The following SPNS2 variants were observed in gnomAD, a reference collection of about 807,000 sequenced individuals.
The protein encoded by SPNS2 is sphingosine-1-phosphate transporter SPNS2.
A neutral mutation model predicts 57.6 loss-of-function variants in SPNS2; 37 were observed. The ratio of observed to expected loss-of-function variants is 0.64; its 90% confidence interval spans 0.49 to 0.85. The LOEUF (loss-of-function observed/expected upper bound fraction) is 0.85, where lower values mean the gene tolerates loss of function less well. SPNS2 is among the 40% of genes least tolerant of loss of function. The pLI is 0.00. For missense variants in SPNS2, 831 were observed against 779.1 expected (o/e 1.07, Z -0.79); for synonymous variants, 440 against 346.9 (o/e 1.27, Z -2.98).
Position 4,532,551 on chromosome 17 carries a change from G to C in SPNS2, c.802G>C (p.Val268Leu), listed in dbSNP as rs771002180. The change falls in exon 6 of 13, where the codon GTC (valine) becomes CTC (leucine). Residue 268 changes from valine to leucine, a missense_variant. Around this residue, in one of 2 missense-constraint regions of SPNS2, gnomAD observed 526 missense variants for 400.9 expected, o/e 1.31. Transcript: ENST00000329078. ...TCCTGCTCTCTGGCAGGTGTCCCCT[G>C]TCCTGGGCATGATCACAGGAACACT... ...DWHWALRVSP[V>L]LGMITGTLIL... 9 of 1,614,030 alleles carry C rather than the reference G, an allele frequency of 5.6e-6. No homozygotes were observed. In the African/African-American group the frequency reaches 1.1e-4, roughly 19 times the overall value.
intron 2 of SPNS2, among the ~76,000 whole-genome samples, chr17:4,520,450 C>G (rs376124121): frequency 6.6e-6 from 1 of 152,088 alleles, no homozygotes; most frequent in South Asian, 2.1e-4. Context: ...GTCACCCCCC[C>G]GGGAGGGGGC....
At chr17:4,501,141 A>G (rs1260320060) in intron 1 of SPNS2, among the ~76,000 whole-genome samples, 2 of 152,204 alleles carry the variant, frequency 1.3e-5, no homozygotes, top group Non-Finnish European at 2.9e-5. Flanking sequence ...AGTGACTGGC[A>G]AAGCTGGTGT....
Position 4,533,109 on chromosome 17 carries a change from G to T in SPNS2, c.1068G>T (p.Pro356=), listed in dbSNP as rs766373635. ...VQKTAETCNS[P]PCGAKDSLIF... ...AGACAGCAGAGACGTGCAACAGCCC[G>T]CCCTGTGGGGCCAAGGACAGGTGGG... The change falls in exon 7 of 13, where the codon CCG becomes CCT. Residue 356 remains proline (P), a synonymous_variant. Transcript: ENST00000329078. 2.5e-6 allele frequency: 4 copies of T among 1,611,146 alleles called. No individual in the cohort carries two copies. Among genetic ancestry groups the T allele is most frequent in the Non-Finnish European group, 2.5e-6 (3 of 1,178,864 alleles).
chr17:4,518,472 G>A (rs1188707294), intron 2 of SPNS2, among the ~76,000 whole-genome samples: 4 of 152,348 alleles, frequency 2.6e-5, no homozygotes, highest in South Asian at 2.1e-4. Flanking sequence ...GCAGTGAGCC[G>A]AGATCGCGCC....
chr17:4,518,386 T>TG (rs1905050484), intron 2 of SPNS2, among the ~76,000 whole-genome samples: 1 of 151,952 alleles, frequency 6.6e-6, no homozygotes, highest in African/African-American at 2.4e-5. Context: ...TAGCCGGGTG[T>TG]GGTGGCGGGT....
At chr17:4,513,809 G>T (rs1244357375) in intron 2 of SPNS2, among the ~76,000 whole-genome samples, 1 of 152,238 alleles carries the variant, frequency 6.6e-6, no homozygotes, top group African/African-American at 2.4e-5. Context: ...CCCCAGAGCG[G>T]TTCCCAAGCC....
At chr17:4,518,074 C>T (rs1303080050) in intron 2 of SPNS2, among the ~76,000 whole-genome samples, 1 of 152,140 alleles carries the variant, frequency 6.6e-6, no homozygotes, top group Non-Finnish European at 1.5e-5. Flanking sequence ...GGCCCATTGG[C>T]CATGGGTTGG....
intron 2 of SPNS2, among the ~76,000 whole-genome samples, chr17:4,514,904 C>T (rs1037732511): frequency 6.6e-6 from 1 of 152,220 alleles, no homozygotes; most frequent in African/African-American, 2.4e-5. Flanking sequence ...CCCTGTGTGG[C>T]CCCTGACTCA....
At position 4,530,833 on chromosome 17, in the gene SPNS2, C is replaced by A. The variant is rs570599978; in HGVS notation, c.725+50C>A. ...TGGGTGAGGATCTGGGCAAGGTTCC[C>A]TTGGACTTCTGAGTTCTCCCACTCC... is the stretch of plus-strand genomic sequence containing the variant. On this transcript the variant is annotated intron_variant, in intron 4 of 12. Transcript: ENST00000329078. 2.8e-5 allele frequency: 44 copies of A among 1,585,254 alleles called. No homozygotes were observed. The East Asian group carries it at 4.5e-4, about 16-fold the overall frequency.
chr17:4,522,928 G>A (rs1330368425), intron 2 of SPNS2, among the ~76,000 whole-genome samples: 2 of 152,164 alleles, frequency 1.3e-5, no homozygotes, highest in African/African-American at 2.4e-5. Flanking sequence ...GCCTTTGTTC[G>A]ACATCCCCTC....
rs1597370277 is a variant in SPNS2, at chr17:4,533,810, CGCT to C, written c.1306_1308del (p.Leu436del). 6.2e-7 allele frequency: 1 copy of C among 1,613,690 alleles called. No individual in the cohort carries two copies. Among genetic ancestry groups the C allele is most frequent in the Non-Finnish European group, 8.5e-7 (1 of 1,180,010 alleles). Reference sequence around the variant, plus strand: ...CAGATCTGTATCTTCGTCGGGGAGACGCTGCTGTTTTCTAACTGGGCCATCACT... The same window carrying C: ...CAGATCTGTATCTTCGTCGGGGAGACGCTGTTTTCTAACTGGGCCATCACT... On this transcript the variant is annotated inframe_deletion, in exon 9 of 13. Coordinates refer to ENST00000329078, the MANE Select transcript of SPNS2 (RefSeq NM_001124758.3).
intron 5 of SPNS2, among the ~76,000 whole-genome samples, 186 bp downstream of exon 5, chr17:4,531,305 T>C (rs141885212): frequency 3.9e-5 from 6 of 152,352 alleles, no homozygotes; most frequent in East Asian, 3.9e-4. Flanking sequence ...GATGTCCCGA[T>C]TGAGGTGTCA....
rs985327054 is a variant in SPNS2 at position 4,512,003 on chromosome 17, C to T, written c.371-1244C>T. 2.0e-5 allele frequency among the ~76,000 whole-genome samples: 3 copies of T among 152,192 alleles called. No homozygotes were observed. Among genetic ancestry groups the T allele is most frequent in the Non-Finnish European group, 4.4e-5 (3 of 68,038 alleles). On this transcript the variant is annotated intron_variant, in intron 1 of 12. Coordinates refer to ENST00000329078, the MANE Select transcript of SPNS2 (RefSeq NM_001124758.3). The surrounding 1 kb of genome is among the most constrained non-coding windows in gnomAD (Gnocchi z 5.2). ...CTGACTTCCTATGCTCCAGTTTCCT[C>T]ATCTGTCAACTTGGATCCTAGTACC...
intron 3 of SPNS2, among the ~76,000 whole-genome samples, chr17:4,528,731 C>T (rs1905339251): frequency 6.6e-6 from 1 of 151,976 alleles, no homozygotes; most frequent in African/African-American, 2.4e-5. Context: ...CTTGCCTTGA[C>T]TTCCCAAAGT....
intron 3 of SPNS2, among the ~76,000 whole-genome samples, chr17:4,526,030 T>C (rs1905255859): frequency 6.6e-6 from 1 of 152,208 alleles, no homozygotes; most frequent in Admixed American, 6.5e-5. Flanking sequence ...TTCAAGGAGC[T>C]TTCAGGATAG....
rs1905775710 is a variant in SPNS2 at position 4,536,105 on chromosome 17, T to C, written c.1374T>C (p.Thr458=). 6.2e-7 allele frequency: 1 copy of C among 1,612,102 alleles called. No homozygotes were observed. Among genetic ancestry groups the C allele is most frequent in the Admixed American group, 1.7e-5 (1 of 59,964 alleles). ...TGGTCATCCCCACGCGGCGCGCCACTGCCGTGGCCTTGCAGAGCTTCACCT... is the reference window on the plus strand; with the variant it reads ...TGGTCATCCCCACGCGGCGCGCCACCGCCGTGGCCTTGCAGAGCTTCACCT... ...MYVVIPTRRA[T]AVALQSFTSH... is the part of the protein sequence containing the mutation. The change falls in exon 10 of 13, where the codon ACT becomes ACC. Residue 458 remains threonine (T), a synonymous_variant. Coordinates refer to ENST00000329078, the MANE Select transcript of SPNS2 (RefSeq NM_001124758.3).
In SPNS2 at chr17:4,510,300, C is replaced by T. The variant is rs1904797479; in HGVS notation, c.371-2947C>T. Among the ~76,000 whole-genome samples, 1 of 152,146 alleles carries T rather than the reference C, an allele frequency of 6.6e-6. No individual in the cohort carries two copies. Among genetic ancestry groups the T allele is most frequent in the Non-Finnish European group, 1.5e-5 (1 of 68,024 alleles). ...GACTGGGCGCTGGGGAGTGGTGGGACGGGAGCAGGCCATGTTATCCAAAAG... is the reference window on the plus strand; with the variant it reads ...GACTGGGCGCTGGGGAGTGGTGGGATGGGAGCAGGCCATGTTATCCAAAAG... On this transcript the variant is annotated intron_variant, in intron 1 of 12. Transcript: ENST00000329078. This position sits in a 1 kb window ranked among gnomAD's most constrained non-coding sequence, Gnocchi z 4.4.
At chr17:4,536,219 T>C in intron 10 of SPNS2, 44 bp from the exon 11 acceptor site, 1 of 1,608,578 alleles carries the variant, frequency 6.2e-7, no homozygotes, top group African/African-American at 1.3e-5. Context: ...GCTGGGGGAC[T>C]GCAGGAGGGC....
rs199810783 is a variant in SPNS2 at position 4,531,124 on chromosome 17, G to A, written c.792+5G>A. The A allele has an allele frequency of 2.6e-5, 42 of 1,613,794 alleles. No homozygotes were observed. Among genetic ancestry groups the A allele is most frequent in the Admixed American group, 2.5e-4 (15 of 59,992 alleles). ...GACTGGCACTGGGCATTGCGGGTAA[G>A]CCCTACGTCCCTTCCCATGAGGACA... On this transcript the variant is annotated splice_donor_5th_base_variant and intron_variant, in intron 5 of 12. Coordinates refer to ENST00000329078, the MANE Select transcript of SPNS2 (RefSeq NM_001124758.3).
Sources: allele counts gnomAD v4.1 joint callset (sites outside exome capture counted in the v4.1 genomes callset), GRCh38; gene constraint gnomAD v4.1.1; regional missense constraint gnomAD v4.1.1; non-coding constraint Gnocchi (gnomAD v3.1); transcripts MANE v1.5; gene names NCBI Gene and HGNC (gene_info 2026-07-23, HGNC 2026-07-21).